Variants in ADAM22 observed in about 807,000 individuals in gnomAD.
ADAM22 encodes the protein disintegrin and metalloproteinase domain-containing protein 22.
A neutral mutation model predicts 144.6 loss-of-function variants in ADAM22; 65 were observed. The ratio of observed to expected loss-of-function variants is 0.45; its 90% CI spans 0.37 to 0.55. The LOEUF is 0.55. Among genes scored for constraint, ADAM22 ranks in the 20% least tolerant of loss-of-function variants. ADAM22 has a pLI of 0.00. For synonymous variants in ADAM22, 391 were observed against 412.6 expected (o/e 0.95, Z 0.63); for missense variants, 974 against 1,184.9 (o/e 0.82, Z 2.61).
intron 3 of ADAM22, among the ~76,000 whole-genome samples, chr7:88,039,464 A>AAAAAAAAAAATATAT: frequency 1.3e-5 from 1 of 76,404 alleles, no homozygotes; most frequent in Non-Finnish European, 2.7e-5. Context: ...AAAAAAAAAA[A>AAAAAAAAAAATATAT]ATATATATAT....
At chr7:88,184,107 A>G (rs1847756635) in intron 29 of ADAM22, among the ~76,000 whole-genome samples, 1 of 152,140 alleles carries the variant, frequency 6.6e-6, no homozygotes, top group African/African-American at 2.4e-5. Flanking sequence ...CCAAAAGATG[A>G]TGAAAAATTG....
intron 2 of ADAM22, among the ~76,000 whole-genome samples, chr7:87,973,988 A>T (rs1211428647): frequency 6.6e-6 from 1 of 152,070 alleles, no homozygotes; most frequent in African/African-American, 2.4e-5. Flanking sequence ...CCTAATGCTA[A>T]ATGACGAGTT....
intron 3 of ADAM22, among the ~76,000 whole-genome samples, chr7:87,997,350 G>C: frequency 6.6e-6 from 1 of 152,198 alleles, no homozygotes; most frequent in East Asian, 1.9e-4. Flanking sequence ...AATTAGTTTT[G>C]TATTGCTGCT....
intron 17 of ADAM22, among the ~76,000 whole-genome samples, chr7:88,148,175 C>T (rs916522929): frequency 2.0e-5 from 3 of 152,002 alleles, no homozygotes; most frequent in African/African-American, 7.2e-5. Flanking sequence ...GTGAGGGAAG[C>T]AGAATAACAT....
chr7:88,176,351 A>G (rs1317825327), intron 26 of ADAM22, among the ~76,000 whole-genome samples: 2 of 152,232 alleles, frequency 1.3e-5, no homozygotes, highest in African/African-American at 4.8e-5. Context: ...GTGAATTTCC[A>G]TCTTTTGGAG....
intron 3 of ADAM22, among the ~76,000 whole-genome samples, chr7:87,986,669 G>A (rs1788570684): frequency 6.6e-6 from 1 of 152,104 alleles, no homozygotes; most frequent in African/African-American, 2.4e-5. Flanking sequence ...ACACCTTCAT[G>A]TTACTGGTTT....
intron 2 of ADAM22, among the ~76,000 whole-genome samples, chr7:87,953,892 T>A (rs1171743569): frequency 1.3e-5 from 2 of 152,228 alleles, no homozygotes; most frequent in African/African-American, 4.8e-5. Flanking sequence ...TTTACCATTA[T>A]GTAATGGCCT....
rs546903633 is a variant in ADAM22, at chr7:88,082,253, G to A, written c.390+6561G>A. Among the ~76,000 whole-genome samples, 77 of 152,218 alleles carry A rather than the reference G, an allele frequency of 5.1e-4. 2 individuals are homozygous for A. The highest frequency in any genetic ancestry group is 1.3e-3 in the African/African-American group (52 of 41,536). Reference sequence around the variant, plus strand: ...CAATGGGGAAAGGATTCCCTATTTAGTAAATGGTGCTGGGAAAACTGGCTA... The same window carrying A: ...CAATGGGGAAAGGATTCCCTATTTAATAAATGGTGCTGGGAAAACTGGCTA... On this transcript the variant is annotated intron_variant, in intron 4 of 31. Transcript: ENST00000413139.
intron 2 of ADAM22, among the ~76,000 whole-genome samples, chr7:87,943,880 A>C (rs961578523): frequency 6.6e-6 from 1 of 152,112 alleles, no homozygotes; most frequent in African/African-American, 2.4e-5. Context: ...GTACTAGGGG[A>C]TTTTAGCACT....
chr7:87,980,614 G>A (rs1002535429), intron 3 of ADAM22, among the ~76,000 whole-genome samples: 1 of 151,900 alleles, frequency 6.6e-6, no homozygotes, highest in Non-Finnish European at 1.5e-5. Flanking sequence ...CATATTTTTT[G>A]ATTGGAATGG....
At position 88,087,081 on chromosome 7, in the gene ADAM22, A is replaced by G. The variant is rs1232156167; in HGVS notation, c.390+11389A>G. Among the ~76,000 whole-genome samples the G allele has an allele frequency of 1.3e-5, 2 of 152,190 alleles. 1 individual carries two copies. Among genetic ancestry groups the G allele is most frequent in the Admixed American group, 1.3e-4 (2 of 15,268 alleles). On this transcript the variant is annotated intron_variant, in intron 4 of 31. Coordinates refer to ENST00000413139, the MANE Select transcript of ADAM22 (RefSeq NM_001324418.2). ...TGTGAAAGTAACGTAGTAAGGAGTA[A>G]TAAAGCTGCAGTTTGAATCTAGATT...
Position 88,034,364 on chromosome 7 carries a change from C to T in ADAM22, c.324-41262C>T, listed in dbSNP as rs1436234955. Among the ~76,000 whole-genome samples, 3 of 152,142 alleles carry T rather than the reference C, an allele frequency of 2.0e-5. No individual in the cohort carries two copies. The East Asian group carries it at 5.8e-4, about 29-fold the overall frequency. Reference sequence around the variant, plus strand: ...GCTGGGCCCTGGAATGAGGGCCTCACGACTCTTCCCAGTGCCATATTCTGC... The same window carrying T: ...GCTGGGCCCTGGAATGAGGGCCTCATGACTCTTCCCAGTGCCATATTCTGC... On this transcript the variant is annotated intron_variant, in intron 3 of 31. Coordinates refer to ENST00000413139, the MANE Select transcript of ADAM22 (RefSeq NM_001324418.2).
At chr7:88,130,527 A>C (rs1424009031) in intron 10 of ADAM22, 68 bp downstream of exon 10, 3 of 1,459,148 alleles carry the variant, frequency 2.1e-6, no homozygotes, top group South Asian at 1.2e-5. Context: ...TAGAATGGAT[A>C]ATATGATTCT....
chr7:87,977,149 C>A lies in ADAM22; in HGVS notation c.247-1187C>A, dbSNP rs370595764. Among the ~76,000 whole-genome samples, 10 of 152,292 alleles carry A rather than the reference C, an allele frequency of 6.6e-5. No homozygotes were observed. The South Asian group carries it at 8.3e-4, about 13-fold the overall frequency. On this transcript the variant is annotated intron_variant, in intron 2 of 31. Coordinates refer to ENST00000413139, the MANE Select transcript of ADAM22 (RefSeq NM_001324418.2). ...TTTTATGAGGATTAGAATGTGTTAGCAACAGAAGTACAAGATTCTCCCATA... is the reference window on the plus strand; with the variant it reads ...TTTTATGAGGATTAGAATGTGTTAGAAACAGAAGTACAAGATTCTCCCATA...
At chr7:88,129,381 A>G (rs1316598771) in intron 9 of ADAM22, among the ~76,000 whole-genome samples, 3 of 152,044 alleles carry the variant, frequency 2.0e-5, no homozygotes, top group African/African-American at 7.2e-5. Context: ...AGTGCATTTT[A>G]ATTTACTTTG....
At chr7:88,056,124 T>G (rs1380455288) in intron 3 of ADAM22, among the ~76,000 whole-genome samples, 1 of 152,208 alleles carries the variant, frequency 6.6e-6, no homozygotes. Context: ...GTTTATGGAG[T>G]CCCTATTAAC....
At position 88,136,043 on chromosome 7, in the gene ADAM22, G is replaced by A; in HGVS notation, c.1220+12G>A. On this transcript the variant is annotated intron_variant, in intron 14 of 31. Coordinates refer to ENST00000413139, the MANE Select transcript of ADAM22 (RefSeq NM_001324418.2). ...ATGGGAGACACTGGGTGAGCCACTTGTATTTGAAAATAACTCAGTCTTACA... is the reference window on the plus strand; with the variant it reads ...ATGGGAGACACTGGGTGAGCCACTTATATTTGAAAATAACTCAGTCTTACA... The A allele has an allele frequency of 6.2e-7, 1 of 1,610,652 alleles. No homozygotes were observed. The highest frequency in any genetic ancestry group is 8.5e-7 in the Non-Finnish European group (1 of 1,178,152).
intron 3 of ADAM22, among the ~76,000 whole-genome samples, chr7:88,021,840 A>G (rs1027920690): frequency 6.6e-6 from 1 of 151,850 alleles, no homozygotes; most frequent in African/African-American, 2.4e-5. Flanking sequence ...ATAAAGTTTA[A>G]TTCATTTGGA....
In ADAM22 at chr7:87,996,706, A is replaced by G. The variant is rs768817355; in HGVS notation, c.323+18294A>G. The stretch of plus-strand genomic sequence containing the variant: ...ACGATACCTTGTATTTGTTGTGCCA[A>G]TTATAGATATTTGTTAGATGGTATC... On this transcript the variant is annotated intron_variant, in intron 3 of 31. Transcript: ENST00000413139. 2.0e-4 allele frequency among the ~76,000 whole-genome samples: 30 copies of G among 152,224 alleles called. 1 individual carries two copies. The highest frequency in any genetic ancestry group is 3.2e-4 in the Non-Finnish European group (22 of 68,036).
Sources: gnomAD v4.1 joint callset for allele counts (sites outside exome capture counted in the v4.1 genomes callset) on GRCh38, gnomAD v4.1.1 for gene constraint, MANE v1.5 for transcripts, NCBI Gene and HGNC (gene_info 2026-07-23, HGNC 2026-07-21) for gene names.